EDARADD: variants seen among roughly 807,000 people sequenced by gnomAD.
EDARADD encodes ectodysplasin-A receptor-associated adapter protein.
Under a neutral mutation model 25.6 loss-of-function variants are expected in EDARADD, and 20 were observed. That is an observed-to-expected ratio of 0.78 (90% CI 0.55 to 1.14). The LOEUF is 1.14. EDARADD is among the 50% of genes most tolerant of loss of function. The pLI is 0.00. For missense variants in EDARADD, 225 were observed against 270.1 expected (o/e 0.83, Z 1.17); for synonymous variants, 86 against 94.4 (o/e 0.91, Z 0.52).
intron 5 of EDARADD, among the ~76,000 whole-genome samples, chr1:236,477,449 G>A (rs950304980): frequency 2.6e-5 from 4 of 152,152 alleles, no homozygotes; most frequent in African/African-American, 9.7e-5. Context: ...CTGTTCTCAG[G>A]ATTTTAAGGT....
chr1:236,394,376 T>A lies in EDARADD; in HGVS notation c.-69T>A, dbSNP rs1265476373. On this transcript the variant is annotated 5_prime_UTR_variant, in exon 1 of 6. Transcript: ENST00000334232. ...ACTCTGGCCAGACAACCAGCGAGCA[T>A]CTTCTCGCAATCTGTTGCTTCTTCC... The A allele has an allele frequency of 6.5e-7, 1 of 1,542,150 alleles. No homozygotes were observed.
chr1:236,401,856 G>T (rs148631437), intron 1 of EDARADD, among the ~76,000 whole-genome samples: 177 of 152,332 alleles, frequency 1.2e-3, no homozygotes, highest in African/African-American at 3.9e-3. Context: ...GAAATCATCA[G>T]AGTGGGCTCT....
chr1:236,440,234 CTT>C (rs1215243807), intron 4 of EDARADD, among the ~76,000 whole-genome samples: 2 of 152,268 alleles, frequency 1.3e-5, no homozygotes, highest in Middle Eastern at 3.4e-3. Context: ...TTATTTGTCT[CTT>C]GTTTGCCAAT....
rs767667201 is a variant in EDARADD at position 236,395,519 on chromosome 1, C to G, written c.61+1014C>G. 1 of 1,533,938 alleles carries G rather than the reference C, an allele frequency of 6.5e-7. No individual in the cohort carries two copies. The highest frequency in any genetic ancestry group is 8.7e-7 in the Non-Finnish European group (1 of 1,144,864). ...GGGGCGCGCAGAGCCACGGTTTGCT[C>G]CAGGCGCGTCGGAACCGCAGGACTT... On this transcript the variant is annotated intron_variant, in intron 1 of 5. Coordinates refer to ENST00000334232, the MANE Select transcript of EDARADD (RefSeq NM_145861.4). The surrounding 1 kb of genome is among the most constrained non-coding windows in gnomAD (Gnocchi z 6.9).
intron 5 of EDARADD, among the ~76,000 whole-genome samples, chr1:236,475,257 C>T (rs1659470322): frequency 6.6e-5 from 10 of 152,162 alleles, no homozygotes; most frequent in Admixed American, 6.5e-4. Flanking sequence ...CGAGGCATTA[C>T]CCAGTTTAAC....
intron 4 of EDARADD, among the ~76,000 whole-genome samples, chr1:236,460,187 CTTT>C (rs535170345): frequency 6.5e-5 from 9 of 138,536 alleles, no homozygotes; most frequent in Non-Finnish European, 7.7e-5. Flanking sequence ...TTTTTCTTTT[CTTT>C]TTTTTTTTTT....
chr1:236,377,286 G>T (rs1286910585), intron 3 of EDARADD, among the ~76,000 whole-genome samples: 1 of 150,934 alleles, frequency 6.6e-6, no homozygotes, highest in Non-Finnish European at 1.5e-5. Context: ...CCCCCGAGTA[G>T]TTGGGATTAC....
Position 236,484,490 on chromosome 1 carries a change from T to C in EDARADD, c.*1841T>C. ...AGTAAGCTGTGGGCAGGCAAGCCCT[T>C]CAGTCACCTGGTGGCTAATTAGACC... On this transcript the variant is annotated 3_prime_UTR_variant, in exon 6 of 6. Transcript: ENST00000334232. The surrounding 1 kb of genome is among the most constrained non-coding windows in gnomAD (Gnocchi z 4.1). The C allele has an allele frequency of 6.3e-7, 1 of 1,593,060 alleles. No individual in the cohort carries two copies. Among genetic ancestry groups the C allele is most frequent in the Non-Finnish European group, 8.6e-7 (1 of 1,165,092 alleles).
intron 4 of EDARADD, 100 bp downstream of exon 4, chr1:236,427,550 G>C: frequency 8.5e-7 from 1 of 1,169,754 alleles, no homozygotes; most frequent in Non-Finnish European, 1.2e-6. Flanking sequence ...ATGAAAAACA[G>C]GATTTCTAGA....
At chr1:236,427,968 TTTTA>T (rs1657971293) in intron 4 of EDARADD, among the ~76,000 whole-genome samples, 1 of 100,230 alleles carries the variant, frequency 1.0e-5, no homozygotes, top group Non-Finnish European at 2.3e-5. Context: ...ATTTATTTTA[TTTTA>T]TTTTATTTTT....
At position 236,395,706 on chromosome 1, in the gene EDARADD, G is replaced by A; in HGVS notation, c.61+1201G>A. The stretch of plus-strand genomic sequence containing the variant: ...GCCCGCTCCTGGAGCGAGCACCGCG[G>A]GGCGGGAGCTCGGGAGGCGCTCGCA... On this transcript the variant is annotated intron_variant, in intron 1 of 5. Transcript: ENST00000334232. The surrounding 1 kb of genome is among the most constrained non-coding windows in gnomAD (Gnocchi z 6.9). The A allele has an allele frequency of 6.5e-7, 1 of 1,533,318 alleles. No homozygotes were observed. The highest frequency in any genetic ancestry group is 8.7e-7 in the Non-Finnish European group (1 of 1,145,222). 95.0% of individuals were successfully genotyped at this position (1,533,318 alleles called of 1,614,324 possible). A position where few individuals can be genotyped will look rare whatever the true frequency, so the allele number is the denominator to read the frequency against.
chr1:236,365,767 T>A (rs1667106916), intron 3 of EDARADD, among the ~76,000 whole-genome samples: 1 of 152,224 alleles, frequency 6.6e-6, no homozygotes, highest in East Asian at 1.9e-4. Context: ...TAGCTCTAAG[T>A]TGTCCTACAG....
rs1657355767 is a variant in EDARADD, at chr1:236,409,329, T to C, written c.120+55T>C. ...TAATTATTGTTTTGCTTTTTTTCTT[T>C]GTTATTTCTTTACGTTTTTATTACT... On this transcript the variant is annotated intron_variant, in intron 2 of 5. Transcript: ENST00000334232. 8 of 1,432,646 alleles carry C rather than the reference T, an allele frequency of 5.6e-6. No homozygotes were observed. In the Admixed American group the frequency reaches 1.2e-4, roughly 21 times the overall value. 88.7% of individuals were successfully genotyped at this position (1,432,646 alleles called of 1,614,324 possible). A position where few individuals can be genotyped will look rare whatever the true frequency, so the allele number is the denominator to read the frequency against.
In EDARADD at chr1:236,380,270, C is replaced by CTTCACATAT. The variant is rs1412149388; in HGVS notation, c.-5-28945_-5-28937dup. ...TGAGATAGGAAAAAGTCTGAAGTCA[C>CTTCACATAT]TTCACATATGCTAACCACAACTCTG... is the stretch of plus-strand genomic sequence containing the variant. On this transcript the variant is annotated intron_variant, in intron 3 of 7. Transcript: ENST00000439430. Among the ~76,000 whole-genome samples the CTTCACATAT allele has an allele frequency of 5.3e-5, 8 of 152,310 alleles. No individual in the cohort carries two copies. The South Asian group carries it at 6.2e-4, about 12-fold the overall frequency.
Position 236,483,884 on chromosome 1 carries a change from G to T in EDARADD, c.*1235G>T. On this transcript the variant is annotated 3_prime_UTR_variant, in exon 6 of 6. Coordinates refer to ENST00000334232, the MANE Select transcript of EDARADD (RefSeq NM_145861.4). ...GGAAAGCTGGCTACACTGATAAGGT[G>T]ATCGTCAGCATGGACGTAGAGGCCT... The T allele has an allele frequency of 1.4e-6, 2 of 1,383,204 alleles. No individual in the cohort carries two copies. Among genetic ancestry groups the T allele is most frequent in the Non-Finnish European group, 2.1e-6 (2 of 972,038 alleles). The allele number at this position is 1,383,204 out of a possible 1,614,324, so 85.7% of individuals were successfully genotyped here.
chr1:236,371,677 C>T (rs1020631318), intron 3 of EDARADD, among the ~76,000 whole-genome samples: 5 of 151,160 alleles, frequency 3.3e-5, no homozygotes, highest in Non-Finnish European at 5.9e-5. Context: ...TCAAGCCATT[C>T]TCCTGCCTCA....
rs972022310 is a variant in EDARADD at position 236,446,114 on chromosome 1, G to A, written c.219+18664G>A. 5.3e-5 allele frequency among the ~76,000 whole-genome samples: 8 copies of A among 152,298 alleles called. 1 individual carries two copies. Among genetic ancestry groups the A allele is most frequent in the Middle Eastern group, 6.8e-3 (2 of 294 alleles). On this transcript the variant is annotated intron_variant, in intron 4 of 5. Coordinates refer to ENST00000334232, the MANE Select transcript of EDARADD (RefSeq NM_145861.4). ...CAAGCTCCATTTTACTCTAAGAGAA[G>A]AGCGGGCCATCTTCCTACTGCCATT...
rs1558100082 is a variant in EDARADD at position 236,360,537 on chromosome 1, G to GATTTTTTTTTTTTT, written c.-6+9698_-6+9699insATTTTTTTTTTTTT. On this transcript the variant is annotated intron_variant, in intron 3 of 7. Transcript: ENST00000439430. ...CAGGACAGAGGGATTTTAATTCACG[G>GATTTTTTTTTTTTT]TTTTTTTTTTTTTTTTTTTTTTTTT... is the stretch of plus-strand genomic sequence containing the variant. Among the ~76,000 whole-genome samples, 2 of 131,266 alleles carry GATTTTTTTTTTTTT rather than the reference G, an allele frequency of 1.5e-5. 1 individual carries two copies. The highest frequency in any genetic ancestry group is 6.1e-5 in the African/African-American group (2 of 32,968). The allele number at this position is 131,266 out of a possible 152,430, so 86.1% of individuals were successfully genotyped here.
intron 4 of EDARADD, among the ~76,000 whole-genome samples, chr1:236,457,596 G>T (rs945271704): frequency 2.0e-5 from 3 of 151,954 alleles, no homozygotes; most frequent in Non-Finnish European, 4.4e-5. Flanking sequence ...TGAGGGGGGC[G>T]GACGAAGAGG....
Sources: allele counts gnomAD v4.1 joint callset (sites outside exome capture counted in the v4.1 genomes callset), GRCh38; gene constraint gnomAD v4.1.1; non-coding constraint Gnocchi (gnomAD v3.1); transcripts MANE v1.5; gene names NCBI Gene and HGNC (gene_info 2026-07-23, HGNC 2026-07-21).